Variants in CELF4 observed in about 807,000 individuals in gnomAD.
CELF4 encodes the protein CUG-BP- and ETR-3-like factor 4.
CELF4 carries 18 observed loss-of-function variants against 59.9 expected under a neutral mutation model. That is an observed-to-expected ratio of 0.30 (90% CI 0.21 to 0.45). The LOEUF (loss-of-function observed/expected upper bound fraction) is 0.45, where lower values mean the gene tolerates loss of function less well. Ranked by LOEUF, CELF4 falls within the 20% of genes least tolerant of loss-of-function variation. CELF4 has a pLI of 1.00. For missense variants in CELF4, 456 were observed against 689.0 expected (o/e 0.66, Z 3.79); for synonymous variants, 261 against 267.1 (o/e 0.98, Z 0.22).
chr18:37,507,402 C>T (rs1347653633), intron 1 of CELF4, among the ~76,000 whole-genome samples: 1 of 152,216 alleles, frequency 6.6e-6, no homozygotes, highest in Non-Finnish European at 1.5e-5. Context: ...CCTCACTCAT[C>T]TTCTCTGGTC....
chr18:37,508,787 G>A (rs1281952350), intron 1 of CELF4, among the ~76,000 whole-genome samples: 1 of 152,226 alleles, frequency 6.6e-6, no homozygotes, highest in South Asian at 2.1e-4. Flanking sequence ...AGCAGGAGGG[G>A]TGGTGGAAGC....
At chr18:37,460,811 C>T (rs1349623379) in intron 2 of CELF4, among the ~76,000 whole-genome samples, 1 of 152,222 alleles carries the variant, frequency 6.6e-6, no homozygotes, top group Middle Eastern at 3.2e-3. Flanking sequence ...ATGAGGCCTG[C>T]CTCTCTGGCA....
In CELF4 at chr18:37,451,617, C is replaced by T. The variant is rs141480848; in HGVS notation, c.369+33908G>A. 4.8e-3 allele frequency among the ~76,000 whole-genome samples: 726 copies of T among 152,266 alleles called. 2 individuals carry two copies. Among genetic ancestry groups the T allele is most frequent in the Non-Finnish European group, 8.0e-3 (541 of 68,014 alleles). Reference sequence around the variant, plus strand: ...CTCCACAGGACCCTCTGCTGGCATCCGAGCTGGGCCACACAGTAGCTAGCG... The same window carrying T: ...CTCCACAGGACCCTCTGCTGGCATCTGAGCTGGGCCACACAGTAGCTAGCG... On this transcript the variant is annotated intron_variant, in intron 2 of 12. Transcript: ENST00000420428.
chr18:37,356,519 CAGAGGTGCTGGGGAGGTT>C (rs1306487810), intron 2 of CELF4, among the ~76,000 whole-genome samples: 1 of 148,144 alleles, frequency 6.8e-6, no homozygotes, highest in African/African-American at 2.6e-5. Flanking sequence ...CTGGGAAGGC[CAGAGGTGCTGGGGAGGTT>C]AGAGGTGCTG....
At chr18:37,250,568 C>A (rs923226278) in intron 12 of CELF4, among the ~76,000 whole-genome samples, 5 of 152,208 alleles carry the variant, frequency 3.3e-5, no homozygotes, top group Admixed American at 3.3e-4. Flanking sequence ...CTCAGGCTTC[C>A]TGCCCTTCTG....
At chr18:37,505,343 G>A (rs1010874282) in intron 1 of CELF4, among the ~76,000 whole-genome samples, 5 of 152,108 alleles carry the variant, frequency 3.3e-5, no homozygotes, top group East Asian at 1.9e-4. Context: ...TTGCATCTCC[G>A]CTTAGATTCC....
Position 37,266,616 on chromosome 18 carries a change from G to A in CELF4, c.1100-18C>T, listed in dbSNP as rs1232507023. On this transcript the variant is annotated intron_variant, in intron 8 of 12. Transcript: ENST00000420428. ...GCTCTGTGCTGTAGGGAGCCAAGGG[G>A]ACAGAGGTCAGCAGTGCCCACCACA... is the stretch of plus-strand genomic sequence containing the variant. 6.4e-7 allele frequency: 1 copy of A among 1,573,340 alleles called. No homozygotes were observed.
chr18:37,274,495 C>A (rs1474464806), intron 5 of CELF4, 41 bp from the exon 6 acceptor site: 1 of 1,609,236 alleles, frequency 6.2e-7, no homozygotes, highest in Admixed American at 1.7e-5. Flanking sequence ...TGCTCCAGAG[C>A]CTCCGCCCGC....
At chr18:37,442,403 A>G (rs9966238) in intron 2 of CELF4, among the ~76,000 whole-genome samples, 40,193 of 152,166 alleles carry the variant, frequency 0.26, 5,794 homozygotes, top group East Asian at 0.45. Context: ...ACTAGATCTC[A>G]GAAAAAAAAT....
intron 3 of CELF4, among the ~76,000 whole-genome samples, chr18:37,279,310 T>C (rs2154376761): frequency 6.6e-6 from 1 of 151,688 alleles, no homozygotes; most frequent in African/African-American, 2.4e-5. Context: ...GAAGAGTGAG[T>C]GAGAGGTTGC....
chr18:37,413,453 G>C (rs954001804), intron 2 of CELF4, among the ~76,000 whole-genome samples: 22 of 152,064 alleles, frequency 1.4e-4, no homozygotes, highest in Admixed American at 3.3e-4. Context: ...ATTTGATTGG[G>C]GTGTGTTTGT....
chr18:37,410,766 G>A (rs887521280), intron 2 of CELF4, among the ~76,000 whole-genome samples: 1 of 152,208 alleles, frequency 6.6e-6, no homozygotes, highest in Non-Finnish European at 1.5e-5. Flanking sequence ...CAGATGCAAG[G>A]AGGGCACACA....
chr18:37,398,333 G>C (rs1157058402), intron 2 of CELF4, among the ~76,000 whole-genome samples: 1 of 152,190 alleles, frequency 6.6e-6, no homozygotes, highest in Non-Finnish European at 1.5e-5. Flanking sequence ...TGGGAGGGTA[G>C]GTTTCGGGAG....
chr18:37,398,318 T>A (rs1226927230), intron 2 of CELF4, among the ~76,000 whole-genome samples: 1 of 152,218 alleles, frequency 6.6e-6, no homozygotes, highest in African/African-American at 2.4e-5. Context: ...GTGAAAGTCC[T>A]GTCCTGGGAG....
At chr18:37,376,651 G>A (rs1431552269) in intron 2 of CELF4, among the ~76,000 whole-genome samples, 19 of 152,194 alleles carry the variant, frequency 1.2e-4, no homozygotes, top group Admixed American at 1.2e-3. Context: ...GGTGAACGCA[G>A]GAATCTTGGG....
intron 11 of CELF4, among the ~76,000 whole-genome samples, chr18:37,257,615 T>A (rs2070777355): frequency 6.6e-6 from 1 of 152,180 alleles, no homozygotes; most frequent in African/African-American, 2.4e-5. Context: ...GACTCCAGAC[T>A]GGAAACTCCT....
intron 3 of CELF4, among the ~76,000 whole-genome samples, chr18:37,312,314 G>C (rs2096704373): frequency 6.6e-6 from 1 of 152,042 alleles, no homozygotes; most frequent in African/African-American, 2.4e-5. Context: ...CGAGCAGCTG[G>C]GCCTGGCCAG....
chr18:37,487,021 C>T (rs2099882669), intron 1 of CELF4, among the ~76,000 whole-genome samples: 1 of 152,210 alleles, frequency 6.6e-6, no homozygotes, highest in Non-Finnish European at 1.5e-5. Context: ...AGTGCTCGCT[C>T]TGTGCCAGGC....
At chr18:37,437,486 G>A (rs2099696614) in intron 2 of CELF4, among the ~76,000 whole-genome samples, 1 of 152,152 alleles carries the variant, frequency 6.6e-6, no homozygotes, top group South Asian at 2.1e-4. Flanking sequence ...GGTTGTGGGG[G>A]AGATACTATG....
Sources: allele counts gnomAD v4.1 joint callset (sites outside exome capture counted in the v4.1 genomes callset), GRCh38; gene constraint gnomAD v4.1.1; transcripts MANE v1.5; gene names NCBI Gene and HGNC (gene_info 2026-07-23, HGNC 2026-07-21).